The following TRIM9 variants were observed in gnomAD, a reference collection of about 807,000 sequenced individuals.
TRIM9 encodes E3 ubiquitin-protein ligase TRIM9.
Under a neutral mutation model 78.3 loss-of-function variants are expected in TRIM9, and 26 were observed. The observed-to-expected ratio is 0.33, with a 90% CI of 0.24 to 0.46. The LOEUF is 0.46. Among genes scored for constraint, TRIM9 ranks in the 20% least tolerant of loss-of-function variants. The probability of loss-of-function intolerance (pLI) is 1.00; values close to 1 mark genes in which losing one functional copy is unlikely to be tolerated. For missense variants in TRIM9, 787 were observed against 1,036.4 expected (o/e 0.76, Z 3.30); for synonymous variants, 398 against 416.5 (o/e 0.96, Z 0.54).
intron 1 of TRIM9, among the ~76,000 whole-genome samples, chr14:51,076,343 C>A (rs909954373): frequency 6.6e-6 from 1 of 152,214 alleles, no homozygotes; most frequent in Admixed American, 6.5e-5. Flanking sequence ...GAGATTTTGT[C>A]TCCCAGACCT....
intron 1 of TRIM9, among the ~76,000 whole-genome samples, chr14:51,028,767 C>G (rs1400183074): frequency 6.6e-6 from 1 of 152,154 alleles, no homozygotes; most frequent in African/African-American, 2.4e-5. Context: ...GCAGCTGAAG[C>G]CCTGATCTCC....
At chr14:51,050,042 G>A (rs61985050) in intron 1 of TRIM9, among the ~76,000 whole-genome samples, 3,106 of 152,126 alleles carry the variant, frequency 0.02, 48 homozygotes, top group Non-Finnish European at 0.031. Context: ...ATGCAGAGCC[G>A]TGAGACAGTT....
chr14:50,984,873 C>T (rs2052487585), intron 8 of TRIM9, among the ~76,000 whole-genome samples: 1 of 152,114 alleles, frequency 6.6e-6, no homozygotes, highest in African/African-American at 2.4e-5. Flanking sequence ...AGTTTCATAA[C>T]AAAGCATGTT....
intron 8 of TRIM9, among the ~76,000 whole-genome samples, chr14:50,985,259 C>G (rs1254580265): frequency 6.6e-6 from 1 of 152,158 alleles, no homozygotes; most frequent in East Asian, 1.9e-4. Flanking sequence ...GGAGTCCAGA[C>G]TTTTTGATTA....
At chr14:51,046,188 T>C (rs1305331430) in intron 1 of TRIM9, among the ~76,000 whole-genome samples, 2 of 151,926 alleles carry the variant, frequency 1.3e-5, no homozygotes, top group East Asian at 1.9e-4. Context: ...CCAGGTTGGG[T>C]GGGCTAGAGA....
At chr14:50,995,642 T>C (rs1043652243) in intron 7 of TRIM9, among the ~76,000 whole-genome samples, 1 of 152,230 alleles carries the variant, frequency 6.6e-6, no homozygotes, top group Non-Finnish European at 1.5e-5. Flanking sequence ...TATGAAATTT[T>C]ACCTTTCTGT....
At chr14:51,079,836 T>A (rs1287152852) in intron 1 of TRIM9, among the ~76,000 whole-genome samples, 3 of 152,104 alleles carry the variant, frequency 2.0e-5, no homozygotes, top group Admixed American at 2.0e-4. Flanking sequence ...GCCATAGAGA[T>A]GACCAGGAGG....
chr14:51,063,386 A>C (rs2061495116), intron 1 of TRIM9, among the ~76,000 whole-genome samples: 1 of 152,140 alleles, frequency 6.6e-6, no homozygotes, highest in African/African-American at 2.4e-5. Context: ...TAATTAGAGT[A>C]GAACAAGGAA....
At chr14:51,020,641 C>T (rs1273720404) in intron 3 of TRIM9, among the ~76,000 whole-genome samples, 4 of 152,202 alleles carry the variant, frequency 2.6e-5, no homozygotes, top group African/African-American at 4.8e-5. Flanking sequence ...CCCAGCGATG[C>T]GTGAAAGCCA....
At chr14:51,030,558 A>ATG (rs896199154) in intron 1 of TRIM9, among the ~76,000 whole-genome samples, 4 of 151,678 alleles carry the variant, frequency 2.6e-5, no homozygotes, top group African/African-American at 7.3e-5. Context: ...GGGACAAAGG[A>ATG]TGTGTGTGTG....
At chr14:51,027,727 C>A (rs2058378458) in intron 1 of TRIM9, among the ~76,000 whole-genome samples, 1 of 152,128 alleles carries the variant, frequency 6.6e-6, no homozygotes, top group African/African-American at 2.4e-5. Flanking sequence ...TTTCCAGGAG[C>A]CCAAGGGATA....
chr14:51,041,493 G>A (rs1289092470), intron 1 of TRIM9, among the ~76,000 whole-genome samples: 1 of 152,246 alleles, frequency 6.6e-6, no homozygotes, highest in African/African-American at 2.4e-5. Context: ...AATCTCAGGT[G>A]TAGGGAATAG....
At chr14:51,062,394 AC>A (rs1433775123) in intron 1 of TRIM9, among the ~76,000 whole-genome samples, 1 of 152,156 alleles carries the variant, frequency 6.6e-6, no homozygotes, top group African/African-American at 2.4e-5. Context: ...CAGAAACTGC[AC>A]TGTAAAGAGC....
chr14:50,977,420 G>A (rs1478863593), intron 12 of TRIM9, 67 bp from the exon 13 acceptor site: 9 of 1,253,276 alleles, frequency 7.2e-6, no homozygotes, highest in South Asian at 4.3e-5. Context: ...ACAGTGTACC[G>A]TGGGTGTGTC....
At chr14:51,066,488 G>A (rs74054032) in intron 1 of TRIM9, among the ~76,000 whole-genome samples, 3,826 of 152,164 alleles carry the variant, frequency 0.025, 165 homozygotes, top group African/African-American at 0.088. Context: ...ACTGGCTGTC[G>A]CTTCTCAGTG....
At chr14:51,051,393 C>A (rs2060412066) in intron 1 of TRIM9, among the ~76,000 whole-genome samples, 1 of 152,078 alleles carries the variant, frequency 6.6e-6, no homozygotes, top group Admixed American at 6.5e-5. Flanking sequence ...GCCCAAGGAC[C>A]CTCAGAGGAC....
rs775523243 is a variant in TRIM9, at chr14:50,998,073, G to C, written c.1580C>G (p.Thr527Ser). The change falls in exon 7 of 13, where the codon ACC becomes AGC. Residue 527 changes from threonine to serine, a missense_variant. By Grantham distance (58) the Thr-to-Ser change is moderately conservative. This residue lies in a region of TRIM9 where 421 missense variants were observed against 514.3 expected (regional missense o/e 0.82). Coordinates refer to ENST00000684578, the MANE Select transcript of TRIM9 (RefSeq NM_001387360.1). ...NKTGVSPYSK[T>S]LVLQTSEDTD... ...ACCCTCAGACGTTTGGAGGACCAGGGTCTTGCTGTACGGGCTGACTCCTGT... is the reference window on the plus strand; with the variant it reads ...ACCCTCAGACGTTTGGAGGACCAGGCTCTTGCTGTACGGGCTGACTCCTGT... 1.2e-6 allele frequency: 2 copies of C among 1,614,192 alleles called. No homozygotes were observed. The highest frequency in any genetic ancestry group is 4.5e-5 in the East Asian group (2 of 44,886).
intron 1 of TRIM9, among the ~76,000 whole-genome samples, chr14:51,086,205 C>T (rs2063737057): frequency 6.6e-6 from 1 of 152,176 alleles, no homozygotes; most frequent in Admixed American, 6.5e-5. Flanking sequence ...TAGAACAGAA[C>T]AGCAGTTAAA....
intron 1 of TRIM9, among the ~76,000 whole-genome samples, chr14:51,067,931 G>A (rs11621679): frequency 0.2 from 30,907 of 152,148 alleles, 3,292 homozygotes; most frequent in Non-Finnish European, 0.24. Context: ...AAAGTCTTGT[G>A]TATTGTTGTA....
Sources: allele counts gnomAD v4.1 joint callset (sites outside exome capture counted in the v4.1 genomes callset), GRCh38; gene constraint gnomAD v4.1.1; regional missense constraint gnomAD v4.1.1; transcripts MANE v1.5; gene names NCBI Gene and HGNC (gene_info 2026-07-23, HGNC 2026-07-21).